The following BCL11A variants were observed in gnomAD, a reference collection of about 807,000 sequenced individuals.
The protein encoded by BCL11A is B cell CLL/lymphoma 11A.
In BCL11A, 2 loss-of-function variants were observed where a neutral mutation model predicts 55.9. The ratio of observed to expected loss-of-function variants is 0.04; its 90% CI spans 0.01 to 0.11. The LOEUF is 0.11. Among genes scored for constraint, BCL11A ranks in the 10% least tolerant of loss-of-function variants. BCL11A has a pLI of 1.00. For synonymous variants in BCL11A, 465 were observed against 473.4 expected (o/e 0.98, Z 0.23); for missense variants, 817 against 1,137.1 (o/e 0.72, Z 4.05).
Position 60,553,582 on chromosome 2 carries a change from C to A in BCL11A, c.-312G>T, listed in dbSNP as rs1032634692. On this transcript the variant is annotated 5_prime_UTR_variant, in exon 1 of 4. The change creates a new upstream start codon in the 5' untranslated region. Coordinates refer to ENST00000642384, the MANE Select transcript of BCL11A (RefSeq NM_022893.4). ...GATGAAAAAAATGGCAAAAGCCCCC[C>A]TGAGCTGCAAGTTCAAGTGCGGACG... 2.5e-6 allele frequency: 1 copy of A among 398,590 alleles called. No individual in the cohort carries two copies. Among genetic ancestry groups the A allele is most frequent in the Non-Finnish European group, 4.3e-6 (1 of 230,840 alleles). 24.7% of individuals were successfully genotyped at this position (398,590 alleles called of 1,614,324 possible). A position where few individuals can be genotyped will look rare whatever the true frequency, so the allele number is the denominator to read the frequency against.
chr2:60,485,514 T>C (rs906510307), intron 2 of BCL11A, among the ~76,000 whole-genome samples: 1 of 152,220 alleles, frequency 6.6e-6, no homozygotes. Context: ...TTTTATATTC[T>C]ACCTATAAGG....
intron 2 of BCL11A, among the ~76,000 whole-genome samples, chr2:60,520,625 A>G (rs1668936059): frequency 6.6e-6 from 1 of 152,228 alleles, no homozygotes; most frequent in Non-Finnish European, 1.5e-5. Context: ...CTGACTCAAC[A>G]CTATGAGGCA....
intron 1 of BCL11A, among the ~76,000 whole-genome samples, chr2:60,552,643 A>T (rs905832315): frequency 2.0e-5 from 3 of 151,986 alleles, no homozygotes; most frequent in African/African-American, 2.4e-5. Context: ...CTTTCTCACT[A>T]TTGTGGGGAT....
At chr2:60,472,906 G>A (rs1171477731) in intron 2 of BCL11A, among the ~76,000 whole-genome samples, 2 of 152,224 alleles carry the variant, frequency 1.3e-5, no homozygotes, top group East Asian at 1.9e-4. Context: ...TGCTTTGGGA[G>A]CCCAACTTTA....
chr2:60,515,996 G>C (rs901893943), intron 2 of BCL11A, among the ~76,000 whole-genome samples: 2 of 152,324 alleles, frequency 1.3e-5, no homozygotes, highest in African/African-American at 4.8e-5. Flanking sequence ...AAATACCCTG[G>C]AGTCTGAAGG....
chr2:60,545,892 C>A, intron 2 of BCL11A, 79 bp downstream of exon 2: 1 of 1,251,398 alleles, frequency 8.0e-7, no homozygotes, highest in Non-Finnish European at 1.1e-6. Flanking sequence ...CACTTCACAA[C>A]TCCTTACTGC....
chr2:60,513,853 G>A (rs1044779512), intron 2 of BCL11A, among the ~76,000 whole-genome samples: 2 of 152,224 alleles, frequency 1.3e-5, no homozygotes, highest in African/African-American at 2.4e-5. Context: ...TTCTCAACAA[G>A]CCAGAGATTC....
chr2:60,503,881 C>T (rs1679428359), intron 2 of BCL11A, among the ~76,000 whole-genome samples: 1 of 151,996 alleles, frequency 6.6e-6, no homozygotes, highest in Non-Finnish European at 1.5e-5. Flanking sequence ...TCATCTAAAC[C>T]TCCTGAAAAT....
intron 2 of BCL11A, among the ~76,000 whole-genome samples, chr2:60,492,013 A>G (rs1678669587): frequency 6.6e-6 from 1 of 152,226 alleles, no homozygotes; most frequent in African/African-American, 2.4e-5. Flanking sequence ...CCCTCACTTT[A>G]CAGGAATTCA....
intron 2 of BCL11A, among the ~76,000 whole-genome samples, chr2:60,510,336 C>G (rs1330611672): frequency 6.6e-6 from 1 of 152,150 alleles, no homozygotes; most frequent in Non-Finnish European, 1.5e-5. Context: ...GCTCCTCCTC[C>G]AGTAGCCAGG....
Position 60,468,002 on chromosome 2 carries a change from G to A in BCL11A, c.487+730C>T, listed in dbSNP as rs1404573270. Among the ~76,000 whole-genome samples the A allele has an allele frequency of 7.9e-5, 10 of 127,248 alleles. No individual in the cohort carries two copies. In the South Asian group the frequency reaches 1.4e-3, roughly 18 times the overall value. 83.5% of individuals were successfully genotyped at this position (127,248 alleles called of 152,430 possible). A position where few individuals can be genotyped will look rare whatever the true frequency, so the allele number is the denominator to read the frequency against. The stretch of plus-strand genomic sequence containing the variant: ...AGTGATGGTGGTGGTAATGGTGGTG[G>A]TGGTGATGGTGGTGGTGGTGGTAGT... On this transcript the variant is annotated intron_variant, in intron 3 of 3. Transcript: ENST00000642384.
Position 60,457,691 on chromosome 2 carries a change from T to C in BCL11A, c.*2713A>G, listed in dbSNP as rs1676006631. 1 of 1,035,056 alleles carries C rather than the reference T, an allele frequency of 9.7e-7. No individual in the cohort carries two copies. Among genetic ancestry groups the C allele is most frequent in the African/African-American group, 1.7e-5 (1 of 59,422 alleles). 64.1% of individuals were successfully genotyped at this position (1,035,056 alleles called of 1,614,324 possible). Reference sequence around the variant, plus strand: ...ATTGGTTTTTTTTTTTTTTTCCTTTTTTTTTCTTTCTTTCTTTTACTGCAT... The same window carrying C: ...ATTGGTTTTTTTTTTTTTTTCCTTTCTTTTTCTTTCTTTCTTTTACTGCAT... On this transcript the variant is annotated 3_prime_UTR_variant, in exon 4 of 4. Coordinates refer to ENST00000642384, the MANE Select transcript of BCL11A (RefSeq NM_022893.4).
chr2:60,545,979 T>C lies in BCL11A; in HGVS notation c.377A>G (p.His126Arg). 1 of 1,613,268 alleles carries C rather than the reference T, an allele frequency of 6.2e-7. No homozygotes were observed. The highest frequency in any genetic ancestry group is 8.5e-7 in the Non-Finnish European group (1 of 1,179,324). The change falls in exon 2 of 4, where the codon CAC (histidine) becomes CGC (arginine). Residue 126 changes from histidine to arginine, a missense_variant. By Grantham distance (29) the His-to-Arg change is conservative. Transcript: ENST00000642384. Reference sequence around the variant, plus strand: ...CCTTGCTTCTCATTTACCTGCTATGTGTTCCTGTTTGGGGCAAATTCCTCT... The same window carrying C: ...CCTTGCTTCTCATTTACCTGCTATGCGTTCCTGTTTGGGGCAAATTCCTCT... Reference protein sequence around the residue: ...SSRGICPKQEHIADKLLHWRG... With the variant: ...SSRGICPKQERIADKLLHWRG...
At chr2:60,531,446 G>A (rs927988290) in intron 2 of BCL11A, among the ~76,000 whole-genome samples, 1 of 152,154 alleles carries the variant, frequency 6.6e-6, no homozygotes, top group Non-Finnish European at 1.5e-5. Flanking sequence ...AACCAGTACG[G>A]AATGCATTAA....
At chr2:60,518,523 C>T (rs1187483103) in intron 2 of BCL11A, among the ~76,000 whole-genome samples, 8 of 152,180 alleles carry the variant, frequency 5.3e-5, no homozygotes, top group Non-Finnish European at 1.2e-4. Flanking sequence ...AAAAATGGCA[C>T]ATGGGAGGGC....
At position 60,459,413 on chromosome 2, in the gene BCL11A, C is replaced by T; in HGVS notation, c.*991G>A. On this transcript the variant is annotated 3_prime_UTR_variant, in exon 4 of 4. Coordinates refer to ENST00000642384, the MANE Select transcript of BCL11A (RefSeq NM_022893.4). Reference sequence around the variant, plus strand: ...AAAAAAAATAAAACTTTGGGCAAAACAGCCCATTTCTTTTAAGCTCTCACC... The same window carrying T: ...AAAAAAAATAAAACTTTGGGCAAAATAGCCCATTTCTTTTAAGCTCTCACC... 9.8e-7 allele frequency: 1 copy of T among 1,022,012 alleles called. No homozygotes were observed. Among genetic ancestry groups the T allele is most frequent in the Non-Finnish European group, 1.2e-6 (1 of 851,398 alleles). The allele number at this position is 1,022,012 out of a possible 1,614,324, so 63.3% of individuals were successfully genotyped here.
chr2:60,538,731 CTCTCTCTCTG>C (rs1035712828), intron 2 of BCL11A, among the ~76,000 whole-genome samples: 2 of 62,384 alleles, frequency 3.2e-5, no homozygotes, highest in African/African-American at 8.7e-5. Flanking sequence ...CTCTCTCTCT[CTCTCTCTCTG>C]TGTGTGTGTG....
intron 1 of BCL11A, among the ~76,000 whole-genome samples, chr2:60,549,298 G>A (rs1016124356): frequency 1.3e-5 from 2 of 152,200 alleles, no homozygotes; most frequent in Non-Finnish European, 2.9e-5. Context: ...TGTTGGTAAG[G>A]AGCGAGCAAA....
Position 60,502,125 on chromosome 2 carries a change from G to GT in BCL11A, c.386-33293dup, listed in dbSNP as rs1679325195. Among the ~76,000 whole-genome samples the GT allele has an allele frequency of 4.6e-5, 7 of 152,288 alleles. No homozygotes were observed. The South Asian group carries it at 1.4e-3, about 32-fold the overall frequency. On this transcript the variant is annotated intron_variant, in intron 2 of 3. Transcript: ENST00000642384. ...TGGAAAACTGAGAGGTTTGCATGTTGTAACAATGCAACTCAAGACTATCAG... is the reference window on the plus strand; with the variant it reads ...TGGAAAACTGAGAGGTTTGCATGTTGTTAACAATGCAACTCAAGACTATCAG...
Sources: gnomAD v4.1 joint callset for allele counts (sites outside exome capture counted in the v4.1 genomes callset) on GRCh38, gnomAD v4.1.1 for gene constraint, MANE v1.5 for transcripts, NCBI Gene and HGNC (gene_info 2026-07-23, HGNC 2026-07-21) for gene names.